Variants in TMEM263 observed in about 807,000 individuals in gnomAD.
TMEM263 encodes the protein UPF0444 transmembrane protein C12orf23.
TMEM263 carries 5 observed loss-of-function variants against 8.6 expected under a neutral mutation model. That is an observed-to-expected ratio of 0.58 (90% CI 0.31 to 1.23). TMEM263 has a LOEUF of 1.23. TMEM263 is among the 50% of genes most tolerant of loss of function. The probability of loss-of-function intolerance (pLI) is 0.07; values close to 1 mark genes in which losing one functional copy is unlikely to be tolerated. For missense variants in TMEM263, 104 were observed against 138.8 expected (o/e 0.75, Z 1.26); for synonymous variants, 50 against 47.9 (o/e 1.04, Z -0.18).
intron 2 of TMEM263, among the ~76,000 whole-genome samples, chr12:106,959,966 T>C (rs749808498): frequency 5.3e-5 from 8 of 152,226 alleles, no homozygotes; most frequent in Non-Finnish European, 1.2e-4. Context: ...CTAAGAGTTC[T>C]AGAGGAATTT....
Position 106,971,552 on chromosome 12 carries a change from T to A in TMEM263, c.*161T>A. Reference sequence around the variant, plus strand: ...CTTTCATCTAAAAAGAAGAGACCAATACGAGCACAGTATATGAAGGTTTCT... The same window carrying A: ...CTTTCATCTAAAAAGAAGAGACCAAAACGAGCACAGTATATGAAGGTTTCT... On this transcript the variant is annotated 3_prime_UTR_variant, in exon 4 of 4. Coordinates refer to ENST00000280756, the MANE Select transcript of TMEM263 (RefSeq NM_152261.4). 1.4e-6 allele frequency: 1 copy of A among 695,506 alleles called. No homozygotes were observed. Among genetic ancestry groups the A allele is most frequent in the Non-Finnish European group, 2.3e-6 (1 of 435,018 alleles). The allele number at this position is 695,506 out of a possible 1,614,324, so 43.1% of individuals were successfully genotyped here.
At chr12:106,966,050 G>A (rs962684937) in intron 2 of TMEM263, among the ~76,000 whole-genome samples, 3 of 152,148 alleles carry the variant, frequency 2.0e-5, no homozygotes, top group African/African-American at 7.2e-5. Context: ...AAAATCGTGT[G>A]TTGTGGGGGT....
intron 2 of TMEM263, among the ~76,000 whole-genome samples, chr12:106,961,188 T>A (rs1290622410): frequency 6.7e-6 from 1 of 150,228 alleles, no homozygotes; most frequent in East Asian, 2.0e-4. Flanking sequence ...CTTCCAAATA[T>A]GTGGGACTAC....
chr12:106,968,369 C>A (rs1175870912), intron 3 of TMEM263, among the ~76,000 whole-genome samples: 1 of 142,562 alleles, frequency 7.0e-6, no homozygotes, highest in African/African-American at 2.5e-5. Context: ...GAGTGAGACT[C>A]CGTCTCAAAA....
intron 2 of TMEM263, among the ~76,000 whole-genome samples, chr12:106,960,111 T>A (rs1951749892): frequency 6.6e-6 from 1 of 152,148 alleles, no homozygotes; most frequent in Non-Finnish European, 1.5e-5. Context: ...CTTGGTTCAC[T>A]GCAACCTCTG....
intron 2 of TMEM263, 31 bp downstream of exon 2, chr12:106,957,180 G>A (rs1334513077): frequency 1.8e-6 from 1 of 560,556 alleles, no homozygotes; most frequent in Non-Finnish European, 2.0e-6. Context: ...GTGTGTGTGT[G>A]TGTGTGTGTG....
chr12:106,969,832 T>C (rs985380400), intron 3 of TMEM263, among the ~76,000 whole-genome samples: 1 of 151,600 alleles, frequency 6.6e-6, no homozygotes, highest in Admixed American at 6.6e-5. Flanking sequence ...CTAGTCATTT[T>C]ATTCCTAAGT....
At chr12:106,957,502 A>G (rs1233752514) in intron 2 of TMEM263, among the ~76,000 whole-genome samples, 1 of 151,056 alleles carries the variant, frequency 6.6e-6, no homozygotes, top group African/African-American at 2.4e-5. Flanking sequence ...TGTTTCAGTT[A>G]TTCGGTATTT....
intron 3 of TMEM263, chr12:106,967,513 G>A (rs530168809): frequency 1.4e-4 from 25 of 183,140 alleles, no homozygotes; most frequent in Non-Finnish European, 2.0e-4. Flanking sequence ...CACCTGCCTC[G>A]GCCTCCCAAA....
At chr12:106,971,053 T>C in intron 3 of TMEM263, 52 bp from the exon 4 acceptor site, 2 of 1,586,196 alleles carry the variant, frequency 1.3e-6, no homozygotes, top group East Asian at 2.2e-5. Flanking sequence ...TACTGCTCTT[T>C]TAAAGACTTG....
chr12:106,958,745 G>T (rs1181428186), intron 2 of TMEM263, among the ~76,000 whole-genome samples: 1 of 152,180 alleles, frequency 6.6e-6, no homozygotes, highest in Non-Finnish European at 1.5e-5. Flanking sequence ...GCTATTGTCT[G>T]TCATTACTAC....
intron 2 of TMEM263, among the ~76,000 whole-genome samples, chr12:106,957,915 A>G (rs1425164822): frequency 1.3e-5 from 2 of 152,204 alleles, no homozygotes; most frequent in East Asian, 3.8e-4. Flanking sequence ...TAGTTGGTTT[A>G]ACTAGAAAAA....
chr12:106,971,502 C>T lies in TMEM263; in HGVS notation c.*111C>T. 1 of 1,128,802 alleles carries T rather than the reference C, an allele frequency of 8.9e-7. No homozygotes were observed. The highest frequency in any genetic ancestry group is 3.0e-4 in the Middle Eastern group (1 of 3,290). 69.9% of individuals were successfully genotyped at this position (1,128,802 alleles called of 1,614,324 possible). On this transcript the variant is annotated 3_prime_UTR_variant, in exon 4 of 4. Coordinates refer to ENST00000280756, the MANE Select transcript of TMEM263 (RefSeq NM_152261.4). ...TTTTGGACGTTTATCTTCTAAACTGCTGTGTTGAAAGTATTGATGACTGGC... is the reference window on the plus strand; with the variant it reads ...TTTTGGACGTTTATCTTCTAAACTGTTGTGTTGAAAGTATTGATGACTGGC...
At chr12:106,961,385 T>TA (rs1382279824) in intron 2 of TMEM263, among the ~76,000 whole-genome samples, 3 of 151,992 alleles carry the variant, frequency 2.0e-5, no homozygotes, top group Non-Finnish European at 4.4e-5. Context: ...ATCCCACAAA[T>TA]ACTATCTGGC....
In TMEM263 at chr12:106,973,308, A is replaced by G. The variant is rs1334808587; in HGVS notation, c.*1917A>G. The G allele has an allele frequency of 1.3e-5, 2 of 152,336 alleles. No homozygotes were observed. Among genetic ancestry groups the G allele is most frequent in the African/African-American group, 4.8e-5 (2 of 41,390 alleles). 9.4% of individuals were successfully genotyped at this position (152,336 alleles called of 1,614,324 possible). A position where few individuals can be genotyped will look rare whatever the true frequency, so the allele number is the denominator to read the frequency against. On this transcript the variant is annotated 3_prime_UTR_variant, in exon 4 of 4. Coordinates refer to ENST00000280756, the MANE Select transcript of TMEM263 (RefSeq NM_152261.4). Reference sequence around the variant, plus strand: ...GGTATTGGAGAACTTGTTTCCTGCTATTTGGAAGAGATTGTTGCTTCATTG... The same window carrying G: ...GGTATTGGAGAACTTGTTTCCTGCTGTTTGGAAGAGATTGTTGCTTCATTG...
At position 106,957,073 on chromosome 12, in the gene TMEM263, A is replaced by G. The variant is rs115477413; in HGVS notation, c.-74-9A>G. The G allele has an allele frequency of 4.6e-3, 4,522 of 984,884 alleles. 90 individuals carry two copies. In the African/African-American group the frequency reaches 0.052, roughly 11 times the overall value. 61.0% of individuals were successfully genotyped at this position (984,884 alleles called of 1,614,324 possible). On this transcript the variant is annotated splice_polypyrimidine_tract_variant and intron_variant, in intron 1 of 3. Transcript: ENST00000280756. The stretch of plus-strand genomic sequence containing the variant: ...TATATGTGATTATTTGCTGTATGCT[A>G]TTGTTTAGCCTTTGAAACTTCTGCT...
rs967175628 is a variant in TMEM263, at chr12:106,964,829, A to G, written c.-6-2282A>G. Among the ~76,000 whole-genome samples the G allele has an allele frequency of 4.6e-5, 7 of 152,278 alleles. No individual in the cohort carries two copies. In the South Asian group the frequency reaches 6.2e-4, roughly 14 times the overall value. On this transcript the variant is annotated intron_variant, in intron 2 of 3. Transcript: ENST00000280756. ...GTTAAAATCACCTTTGAAAATTCCC[A>G]TTTCTCGCAACCTCTGCCTCTACCA...
At chr12:106,956,472 C>T (rs995175708) in intron 1 of TMEM263, among the ~76,000 whole-genome samples, 13 of 152,186 alleles carry the variant, frequency 8.5e-5, no homozygotes, top group African/African-American at 2.4e-5. Context: ...TGTTGCTAAA[C>T]CTCCCTTTTG....
intron 2 of TMEM263, among the ~76,000 whole-genome samples, chr12:106,965,480 G>A (rs772029264): frequency 2.7e-5 from 4 of 150,630 alleles, no homozygotes; most frequent in Non-Finnish European, 4.4e-5. Flanking sequence ...GGTGATGCAC[G>A]ACTGTAGTCC....
Sources: gnomAD v4.1 joint callset for allele counts (sites outside exome capture counted in the v4.1 genomes callset) on GRCh38, gnomAD v4.1.1 for gene constraint, MANE v1.5 for transcripts, NCBI Gene and HGNC (gene_info 2026-07-23, HGNC 2026-07-21) for gene names.